UBE2G2: variants seen among roughly 807,000 people sequenced by gnomAD.
The protein encoded by UBE2G2 is ubiquitin-conjugating enzyme E2 G2.
Under a neutral mutation model 23.0 loss-of-function variants are expected in UBE2G2, and 10 were observed. The observed-to-expected ratio is 0.43, with a 90% confidence interval of 0.27 to 0.74. UBE2G2 has a LOEUF of 0.74. UBE2G2 is among the 30% of genes least tolerant of loss of function. The probability of loss-of-function intolerance (pLI) is 0.19; values close to 1 mark genes in which losing one functional copy is unlikely to be tolerated. For missense variants in UBE2G2, 150 were observed against 218.3 expected (o/e 0.69, Z 1.97); for synonymous variants, 86 against 81.3 (o/e 1.06, Z -0.31).
intron 1 of UBE2G2, among the ~76,000 whole-genome samples, chr21:44,789,769 A>G (rs966134392): frequency 1.3e-5 from 2 of 152,116 alleles, no homozygotes; most frequent in African/African-American, 2.4e-5. Context: ...CGTCCCCCCA[A>G]AATTCCTATG....
At position 44,771,347 on chromosome 21, in the gene UBE2G2, G is replaced by A. The variant is rs782608173; in HGVS notation, c.*30C>T. 18 of 1,595,992 alleles carry A rather than the reference G, an allele frequency of 1.1e-5. No homozygotes were observed. Among genetic ancestry groups the A allele is most frequent in the Middle Eastern group, 1.7e-4 (1 of 6,054 alleles). On this transcript the variant is annotated 3_prime_UTR_variant, in exon 6 of 6. Transcript: ENST00000345496. This position sits in a 1 kb window ranked among gnomAD's most constrained non-coding sequence, Gnocchi z 4.6. ...GGGGGAGAATGCTGAGCTGCTTGGC[G>A]GTGTGTGCGCGCCTGTGCGAGGCCA...
intron 4 of UBE2G2, 36 bp from the exon 5 acceptor site, chr21:44,773,723 A>G: frequency 3.1e-6 from 5 of 1,604,042 alleles, no homozygotes; most frequent in Non-Finnish European, 4.2e-6. Flanking sequence ...GAGCCCAGGA[A>G]TGGTGCCCGA....
Position 44,771,534 on chromosome 21 carries a change from C to G in UBE2G2, c.386-45G>C. On this transcript the variant is annotated intron_variant, in intron 5 of 5. Transcript: ENST00000345496. This position sits in a 1 kb window ranked among gnomAD's most constrained non-coding sequence, Gnocchi z 4.6. The stretch of plus-strand genomic sequence containing the variant: ...CCTCCATGTAAAAGGGAGTCTTATA[C>G]GTAAGCAGCCTGGCAAGGTCTCCCA... The G allele has an allele frequency of 6.3e-7, 1 of 1,579,356 alleles. No homozygotes were observed. The highest frequency in any genetic ancestry group is 8.6e-7 in the Non-Finnish European group (1 of 1,158,328).
rs144946095 is a variant in UBE2G2 at position 44,784,255 on chromosome 21, G to A, written c.125+3665C>T. On this transcript the variant is annotated intron_variant, in intron 3 of 5. Coordinates refer to ENST00000345496, the MANE Select transcript of UBE2G2 (RefSeq NM_003343.6). ...GAGAGGAAGGAAGGACGGACAGACGGTTCCAGACCTATTATTCTAGAATCC... is the reference window on the plus strand; with the variant it reads ...GAGAGGAAGGAAGGACGGACAGACGATTCCAGACCTATTATTCTAGAATCC... 6.6e-3 allele frequency among the ~76,000 whole-genome samples: 1,006 copies of A among 152,188 alleles called. 4 individuals carry two copies. The highest frequency in any genetic ancestry group is 0.014 in the South Asian group (67 of 4,806).
In UBE2G2 at chr21:44,788,894, A is replaced by ATAAGGACT. The variant is rs547162973; in HGVS notation, c.44-807_44-800dup. Among the ~76,000 whole-genome samples the ATAAGGACT allele has an allele frequency of 5.0e-4, 76 of 152,242 alleles. 3 individuals carry two copies. In the South Asian group the frequency reaches 0.015, roughly 29 times the overall value. On this transcript the variant is annotated intron_variant, in intron 1 of 5. Transcript: ENST00000345496. Reference sequence around the variant, plus strand: ...AATCCTTGCCAAATAAATATAAGGTATAAGGACTGAAAAAGAAATAAAACT... The same window carrying ATAAGGACT: ...AATCCTTGCCAAATAAATATAAGGTATAAGGACTTAAGGACTGAAAAAGAAATAAAACT...
chr21:44,794,502 A>T (rs964323333), intron 1 of UBE2G2, among the ~76,000 whole-genome samples: 2 of 151,978 alleles, frequency 1.3e-5, no homozygotes, highest in Admixed American at 6.6e-5. Flanking sequence ...TCAATAATTG[A>T]ATTTCATCGA....
At position 44,771,322 on chromosome 21, in the gene UBE2G2, G is replaced by A. The variant is rs529275231; in HGVS notation, c.*55C>T. The A allele has an allele frequency of 1.4e-4, 216 of 1,514,058 alleles. No individual in the cohort carries two copies. The African/African-American group carries it at 1.8e-3, about 13-fold the overall frequency. 93.8% of individuals were successfully genotyped at this position (1,514,058 alleles called of 1,614,324 possible). On this transcript the variant is annotated 3_prime_UTR_variant, in exon 6 of 6. Coordinates refer to ENST00000345496, the MANE Select transcript of UBE2G2 (RefSeq NM_003343.6). This position sits in a 1 kb window ranked among gnomAD's most constrained non-coding sequence, Gnocchi z 4.6. ...GAGCATCACTGTCACTAAGTGTGCC[G>A]GGGGAGAATGCTGAGCTGCTTGGCG...
intron 3 of UBE2G2, among the ~76,000 whole-genome samples, chr21:44,784,392 G>C (rs1293744065): frequency 1.3e-5 from 2 of 150,944 alleles, no homozygotes; most frequent in Non-Finnish European, 2.9e-5. Context: ...AAATTATGTG[G>C]AACAGTGATG....
At chr21:44,776,466 A>C (rs1601179035) in intron 4 of UBE2G2, among the ~76,000 whole-genome samples, 1 of 152,294 alleles carries the variant, frequency 6.6e-6, no homozygotes, top group South Asian at 2.1e-4. Flanking sequence ...TGCTTTTCCC[A>C]GTCAATATAA....
intron 1 of UBE2G2, among the ~76,000 whole-genome samples, chr21:44,798,320 A>G (rs945948175): frequency 1.8e-4 from 27 of 152,294 alleles, no homozygotes; most frequent in South Asian, 4.1e-4. Flanking sequence ...GTAGTTGCTG[A>G]AGGCAGGAGT....
chr21:44,787,068 G>A (rs1377552266), intron 3 of UBE2G2, among the ~76,000 whole-genome samples: 4 of 149,920 alleles, frequency 2.7e-5, no homozygotes, highest in African/African-American at 9.9e-5. Context: ...CTCCAGCCTG[G>A]GCAACAAGGG....
intron 4 of UBE2G2, 87 bp downstream of exon 4, chr21:44,777,212 T>C (rs2082919804): frequency 9.0e-7 from 1 of 1,111,842 alleles, no homozygotes; most frequent in Non-Finnish European, 1.4e-6. Context: ...ATCATAGACA[T>C]ATAGAATATA....
At chr21:44,777,028 TA>T in intron 4 of UBE2G2, 1 of 376,218 alleles carries the variant, frequency 2.7e-6, no homozygotes, top group Non-Finnish European at 4.8e-6. Flanking sequence ...CACCCATGTG[TA>T]AAACTTCCTC....
intron 3 of UBE2G2, among the ~76,000 whole-genome samples, chr21:44,782,091 T>C (rs527712662): frequency 6.6e-6 from 1 of 152,260 alleles, no homozygotes; most frequent in South Asian, 2.1e-4. Context: ...AATAAAAGAA[T>C]GTTGGAAAAT....
intron 3 of UBE2G2, 52 bp from the exon 4 acceptor site, chr21:44,777,469 C>A: frequency 6.4e-7 from 1 of 1,554,324 alleles, no homozygotes; most frequent in South Asian, 1.1e-5. Context: ...TTTTCAACGT[C>A]GACCACAATT....
At chr21:44,776,813 C>A (rs1821431) in intron 4 of UBE2G2, 59,486 of 159,026 alleles carry the variant, frequency 0.37, 11,661 homozygotes, top group South Asian at 0.44. Flanking sequence ...TGAGGTCTCC[C>A]CAGCCATGTG....
At chr21:44,790,547 T>C (rs545810076) in intron 1 of UBE2G2, among the ~76,000 whole-genome samples, 4 of 152,344 alleles carry the variant, frequency 2.6e-5, no homozygotes, top group African/African-American at 9.6e-5. Context: ...ATTTCCTCCA[T>C]GCTGTTCTCA....
intron 1 of UBE2G2, among the ~76,000 whole-genome samples, chr21:44,795,178 A>C (rs1010715094): frequency 5.3e-5 from 8 of 152,254 alleles, no homozygotes; most frequent in South Asian, 4.1e-4. Context: ...CAGGAGAATT[A>C]CTTGAAGCCA....
At chr21:44,774,948 T>G (rs1343599904) in intron 4 of UBE2G2, 3 of 331,894 alleles carry the variant, frequency 9.0e-6, no homozygotes, top group East Asian at 1.9e-4. Flanking sequence ...AGTGCCCACA[T>G]TTAGTTCCCA....
Sources: allele counts gnomAD v4.1 joint callset (sites outside exome capture counted in the v4.1 genomes callset), GRCh38; gene constraint gnomAD v4.1.1; non-coding constraint Gnocchi (gnomAD v3.1); transcripts MANE v1.5; gene names NCBI Gene and HGNC (gene_info 2026-07-23, HGNC 2026-07-21).